Variants in USP18 observed in about 807,000 individuals in gnomAD.
USP18 encodes ubl carboxyl-terminal hydrolase 18.
USP18 carries 11 observed loss-of-function variants against 48.7 expected under a neutral mutation model. The ratio of observed to expected loss-of-function variants is 0.23; its 90% CI spans 0.14 to 0.37. USP18 has a LOEUF of 0.37. Ranked by LOEUF, USP18 falls within the 10% of genes least tolerant of loss-of-function variation. The pLI is 1.00. For missense variants in USP18, 285 were observed against 436.4 expected, an observed-to-expected ratio of 0.65 and a Z score of 3.09; for synonymous variants, 114 against 163.2, an observed-to-expected ratio of 0.70 and a Z score of 2.30.
At chr22:18,170,272 C>T (rs1273677548) in intron 7 of USP18, among the ~76,000 whole-genome samples, 4 of 151,898 alleles carry the variant, frequency 2.6e-5, no homozygotes, top group African/African-American at 7.3e-5. Flanking sequence ...GGGGTTGCCC[C>T]CCGTGGATTT....
intron 6 of USP18, 88 bp from the exon 7 acceptor site, chr22:18,169,756 T>C: frequency 1.4e-6 from 2 of 1,454,650 alleles, no homozygotes; most frequent in Admixed American, 2.1e-5. Flanking sequence ...TCAGCTATTG[T>C]CTCACAGCAG....
intron 1 of USP18, among the ~76,000 whole-genome samples, chr22:18,153,428 T>TAAAAAAAAAAA (rs1929049555): frequency 1.1e-5 from 1 of 87,648 alleles, no homozygotes; most frequent in African/African-American, 5.4e-5. Flanking sequence ...AAATTCCATC[T>TAAAAAAAAAAA]CAAAAAAAAA....
At chr22:18,152,772 G>C (rs1012442671) in intron 1 of USP18, among the ~76,000 whole-genome samples, 2 of 152,018 alleles carry the variant, frequency 1.3e-5, no homozygotes, top group African/African-American at 4.8e-5. Context: ...TGTCTCCCCA[G>C]TGTGATCTAC....
At chr22:18,160,112 C>A in intron 2 of USP18, 60 bp from the exon 3 acceptor site, 1 of 1,532,440 alleles carries the variant, frequency 6.5e-7, no homozygotes. Flanking sequence ...CCATGCCCAG[C>A]CTTGTCAACT....
rs758763169 is a variant in USP18 at position 18,173,131 on chromosome 22, C to A, written c.892-19C>A. The A allele has an allele frequency of 8.8e-6, 14 of 1,591,258 alleles. No individual in the cohort carries two copies. The highest frequency in any genetic ancestry group is 1.2e-5 in the Non-Finnish European group (14 of 1,169,670). On this transcript the variant is annotated intron_variant, in intron 8 of 10. Transcript: ENST00000215794. ...GTTTGTGGTGGTGGGTGAACTGTCT[C>A]GTGCCTGTCTCTTTCCAGTCTGGAG...
intron 4 of USP18, among the ~76,000 whole-genome samples, chr22:18,163,786 G>A (rs927133141): frequency 2.0e-5 from 3 of 152,190 alleles, no homozygotes; most frequent in African/African-American, 7.2e-5. Flanking sequence ...GTGTTGTCCA[G>A]ACTGTCATCT....
rs547576153 is a variant in USP18, at chr22:18,163,064, C to G, written c.400+1129C>G. On this transcript the variant is annotated intron_variant, in intron 4 of 10. Transcript: ENST00000215794. ...GCTTGATTTAGTCTGTTGAGCTTCT[C>G]TTTTGAGCTCTTATTGCAGTTATTG... Among the ~76,000 whole-genome samples, 7 of 151,872 alleles carry G rather than the reference C, an allele frequency of 4.6e-5. No homozygotes were observed. The South Asian group carries it at 1.5e-3, about 32-fold the overall frequency.
chr22:18,172,928 T>C (rs1470295512), intron 8 of USP18, among the ~76,000 whole-genome samples: 1 of 148,094 alleles, frequency 6.8e-6, no homozygotes, highest in Non-Finnish European at 1.5e-5. Context: ...TGACCTGCCT[T>C]CCATCTCTTG....
chr22:18,163,806 G>C (rs1231289722), intron 4 of USP18, among the ~76,000 whole-genome samples: 1 of 152,166 alleles, frequency 6.6e-6, no homozygotes, highest in Admixed American at 6.5e-5. Context: ...TATGTTGTTA[G>C]CGGCCCTCAG....
At chr22:18,167,411 G>A in intron 5 of USP18, 77 bp downstream of exon 5, 1 of 1,545,292 alleles carries the variant, frequency 6.5e-7, no homozygotes, top group South Asian at 1.2e-5. Flanking sequence ...TTCCCGTAGT[G>A]TGTAGAGGAA....
In USP18 at chr22:18,168,036, G is replaced by C; in HGVS notation, c.627G>C (p.Leu209=). Residue 209 remains leucine (L), a splice_region_variant and synonymous_variant, in exon 6 of 11, where the codon CTG becomes CTC. Transcript: ENST00000215794. ...FDVDSKPLKT[L]EDALHCFFQP... is the part of the protein sequence containing the mutation. ...TGGACTCAAAGCCCCTGAAGACACTGGTAAGGGGATTCTCTTGGTATTTGC... is the reference window on the plus strand; with the variant it reads ...TGGACTCAAAGCCCCTGAAGACACTCGTAAGGGGATTCTCTTGGTATTTGC... The C allele has an allele frequency of 6.2e-7, 1 of 1,614,054 alleles. No individual in the cohort carries two copies. The highest frequency in any genetic ancestry group is 8.5e-7 in the Non-Finnish European group (1 of 1,179,950).
intron 1 of USP18, among the ~76,000 whole-genome samples, chr22:18,156,190 G>A (rs554365823): frequency 2.0e-5 from 3 of 152,262 alleles, no homozygotes; most frequent in Admixed American, 6.5e-5. Flanking sequence ...GAGACGTTTT[G>A]TGTCTAGCTC....
chr22:18,168,218 C>T (rs1256727201), intron 6 of USP18, among the ~76,000 whole-genome samples, 182 bp downstream of exon 6: 1 of 152,066 alleles, frequency 6.6e-6, no homozygotes, highest in Admixed American at 6.6e-5. Flanking sequence ...AGTCCTGAGG[C>T]GAGGCAGTGC....
chr22:18,174,331 G>A (rs932601787), intron 10 of USP18, among the ~76,000 whole-genome samples: 11 of 151,580 alleles, frequency 7.3e-5, no homozygotes, highest in African/African-American at 1.9e-4. Flanking sequence ...AGGTTCAAGC[G>A]ATTCTCCTGC....
chr22:18,172,740 C>G (rs1008531263), intron 8 of USP18, among the ~76,000 whole-genome samples: 19 of 150,860 alleles, frequency 1.3e-4, no homozygotes, highest in Non-Finnish European at 2.2e-4. Context: ...CTCAGCTTTG[C>G]GTCTGCCGCC....
At chr22:18,174,727 T>G (rs1229777420) in intron 10 of USP18, among the ~76,000 whole-genome samples, 1 of 152,138 alleles carries the variant, frequency 6.6e-6, no homozygotes, top group Non-Finnish European at 1.5e-5. Flanking sequence ...TAGCTGGGAC[T>G]ACAGGCATAC....
intron 1 of USP18, among the ~76,000 whole-genome samples, chr22:18,153,131 T>C (rs1263253661): frequency 6.6e-6 from 1 of 152,104 alleles, no homozygotes; most frequent in African/African-American, 2.4e-5. Flanking sequence ...CAACATGAAT[T>C]TAAGAATATA....
rs773568110 is a variant in USP18, at chr22:18,157,828, G to C, written c.157+8G>C. The C allele has an allele frequency of 1.2e-6, 2 of 1,613,882 alleles. No individual in the cohort carries two copies. Among genetic ancestry groups the C allele is most frequent in the East Asian group, 2.2e-5 (1 of 44,868 alleles). On this transcript the variant is annotated splice_region_variant and intron_variant, in intron 2 of 10. Coordinates refer to ENST00000215794, the MANE Select transcript of USP18 (RefSeq NM_017414.4). Reference sequence around the variant, plus strand: ...CCTGGGACTACCCTCATGGTCATTAGACCCCTCCCGTTTTCCTCTTCTTGA... The same window carrying C: ...CCTGGGACTACCCTCATGGTCATTACACCCCTCCCGTTTTCCTCTTCTTGA...
intron 3 of USP18, among the ~76,000 whole-genome samples, chr22:18,160,785 T>C (rs1929309380): frequency 6.7e-6 from 1 of 150,136 alleles, no homozygotes; most frequent in South Asian, 2.1e-4. Context: ...TTTTTTTTTT[T>C]TTTGAGATGA....
Sources: gnomAD v4.1 joint callset for allele counts (sites outside exome capture counted in the v4.1 genomes callset) on GRCh38, gnomAD v4.1.1 for gene constraint, MANE v1.5 for transcripts, NCBI Gene and HGNC (gene_info 2026-07-23, HGNC 2026-07-21) for gene names.